The following SINHCAF variants were observed in gnomAD, a reference collection of about 807,000 sequenced individuals.
SINHCAF encodes the protein SIN3-HDAC complex associated factor.
Under a neutral mutation model 25.8 loss-of-function variants are expected in SINHCAF, and 3 were observed. The observed-to-expected ratio is 0.12, with a 90% CI of 0.05 to 0.30. SINHCAF has a LOEUF of 0.30. Ranked by LOEUF, SINHCAF falls within the 10% of genes least tolerant of loss-of-function variation. SINHCAF has a pLI of 1.00. For synonymous variants in SINHCAF, 70 were observed against 85.5 expected (o/e 0.82, Z 1.00); for missense variants, 121 against 262.3 (o/e 0.46, Z 3.72).
At chr12:31,285,394 T>C (rs989775242) in intron 5 of SINHCAF, among the ~76,000 whole-genome samples, 10 of 141,064 alleles carry the variant, frequency 7.1e-5, no homozygotes, top group African/African-American at 1.4e-4. Flanking sequence ...TCTCTCAACA[T>C]AGACATATAT....
At chr12:31,309,208 A>G (rs764472695) in intron 1 of SINHCAF, among the ~76,000 whole-genome samples, 3 of 151,898 alleles carry the variant, frequency 2.0e-5, no homozygotes, top group Non-Finnish European at 4.4e-5. Context: ...GTTAAGAAGC[A>G]CTGGATATCT....
chr12:31,324,004 C>T lies in SINHCAF; in HGVS notation c.-21+2020G>A, dbSNP rs1170895163. 2.2e-6 allele frequency: 1 copy of T among 455,642 alleles called. No homozygotes were observed. The highest frequency in any genetic ancestry group is 3.4e-4 in the Middle Eastern group (1 of 2,936). The allele number at this position is 455,642 out of a possible 1,614,324, so 28.2% of individuals were successfully genotyped here. A position where few individuals can be genotyped will look rare whatever the true frequency, so the allele number is the denominator to read the frequency against. ...GTGACTGCCGAGAGAGACGCCGAGC[C>T]AGCAAGTAAGAATGCTCCCTGGTGG... is the stretch of plus-strand genomic sequence containing the variant. On this transcript the variant is annotated intron_variant, in intron 1 of 5. Coordinates refer to ENST00000337682, the MANE Select transcript of SINHCAF (RefSeq NM_001135812.2). This position sits in a 1 kb window ranked among gnomAD's most constrained non-coding sequence, Gnocchi z 5.5.
chr12:31,308,603 C>G (rs1939130184), intron 1 of SINHCAF, among the ~76,000 whole-genome samples: 1 of 152,058 alleles, frequency 6.6e-6, no homozygotes, highest in Non-Finnish European at 1.5e-5. Context: ...TGTGTCAGAG[C>G]AAAGGAGGAG....
At chr12:31,285,939 C>G (rs1471038785) in intron 5 of SINHCAF, among the ~76,000 whole-genome samples, 1 of 149,430 alleles carries the variant, frequency 6.7e-6, no homozygotes, top group East Asian at 2.0e-4. Flanking sequence ...AACACCACTG[C>G]ACTCCAGTCT....
At chr12:31,288,474 G>A (rs1367410976) in intron 4 of SINHCAF, among the ~76,000 whole-genome samples, 2 of 152,090 alleles carry the variant, frequency 1.3e-5, no homozygotes, top group Admixed American at 6.5e-5. Context: ...AGCGAAGTCA[G>A]GATTTTCATT....
chr12:31,325,094 GCGGCGTACACAACGCCGC>G lies in SINHCAF; in HGVS notation c.-21+912_-21+929del. On this transcript the variant is annotated intron_variant, in intron 1 of 5. Transcript: ENST00000337682. The surrounding 1 kb of genome is among the most constrained non-coding windows in gnomAD (Gnocchi z 5.9). ...TGCCCTGCGGAGTTCACTGACTCCC[GCGGCGTACACAACGCCGC>G]CGCCTCCATCTCCAGCCAAGTTGGC... is the stretch of plus-strand genomic sequence containing the variant. 1 of 456,726 alleles carries G rather than the reference GCGGCGTACACAACGCCGC, an allele frequency of 2.2e-6. No individual in the cohort carries two copies. The allele number at this position is 456,726 out of a possible 1,614,324, so 28.3% of individuals were successfully genotyped here.
Position 31,298,116 on chromosome 12 carries a change from T to C in SINHCAF, c.89A>G (p.Asp30Gly). 1 of 1,614,120 alleles carries C rather than the reference T, an allele frequency of 6.2e-7. No homozygotes were observed. The highest frequency in any genetic ancestry group is 8.5e-7 in the Non-Finnish European group (1 of 1,179,994). ...RAKSSSSRFT[D>G]SKRYEKDFQS... The stretch of plus-strand genomic sequence containing the variant: ...GAAGTCCTTTTCATAGCGTTTACTG[T>C]CAGTGAATCGAGAACTGGAGGACTT... Residue 30 changes from aspartate (D) to glycine (G), a missense_variant, in exon 2 of 6, where the codon GAC (aspartate) becomes GGC (glycine). Coordinates refer to ENST00000337682, the MANE Select transcript of SINHCAF (RefSeq NM_001135812.2).
chr12:31,284,663 A>C (rs1054339284), intron 5 of SINHCAF, among the ~76,000 whole-genome samples: 7 of 152,196 alleles, frequency 4.6e-5, no homozygotes, highest in Non-Finnish European at 7.3e-5. Flanking sequence ...CCACATGAAT[A>C]ACCATGTTGT....
chr12:31,318,949 A>G (rs1372392474), intron 1 of SINHCAF, among the ~76,000 whole-genome samples: 1 of 152,236 alleles, frequency 6.6e-6, no homozygotes, highest in Non-Finnish European at 1.5e-5. Context: ...ACAGAAAAAT[A>G]AATGCTATCT....
intron 4 of SINHCAF, among the ~76,000 whole-genome samples, chr12:31,291,375 AG>A (rs1393346180): frequency 1.3e-5 from 2 of 152,234 alleles, no homozygotes; most frequent in African/African-American, 2.4e-5. Flanking sequence ...GTGACTCCAG[AG>A]TTACACATTT....
At chr12:31,303,449 A>G (rs1387885058) in intron 1 of SINHCAF, 1 of 153,492 alleles carries the variant, frequency 6.5e-6, no homozygotes, top group Non-Finnish European at 1.4e-5. Flanking sequence ...TTCTATCTAC[A>G]TTGTGCTACC....
intron 1 of SINHCAF, chr12:31,303,212 C>G: frequency 1.0e-6 from 1 of 985,360 alleles, no homozygotes; most frequent in East Asian, 1.1e-4. Flanking sequence ...CTGTGTCAAC[C>G]CATTTTTCCT....
intron 5 of SINHCAF, among the ~76,000 whole-genome samples, chr12:31,283,632 C>T (rs1296724086): frequency 6.6e-6 from 1 of 151,822 alleles, no homozygotes; most frequent in African/African-American, 2.4e-5. Flanking sequence ...TGTGTGTTAG[C>T]AAAGGCATCA....
chr12:31,296,412 C>T (rs768704847), intron 2 of SINHCAF, among the ~76,000 whole-genome samples: 4 of 152,028 alleles, frequency 2.6e-5, no homozygotes, highest in Non-Finnish European at 4.4e-5. Context: ...CTGATCTGTC[C>T]GCCTTGGCCT....
intron 4 of SINHCAF, 96 bp downstream of exon 4, chr12:31,293,709 A>C (rs1938431510): frequency 9.2e-7 from 1 of 1,083,994 alleles, no homozygotes; most frequent in Non-Finnish European, 1.3e-6. Flanking sequence ...TATAAAAAGC[A>C]ATAAAGGAAA....
In SINHCAF at chr12:31,282,380, C is replaced by A. The variant is rs959922668; in HGVS notation, c.*332G>T. ...AACTACTCTAGAAATTGTCTTTTGG[C>A]AGAATAGCAGGTATCCAAGTTAAAA... is the stretch of plus-strand genomic sequence containing the variant. On this transcript the variant is annotated 3_prime_UTR_variant, in exon 6 of 6. Transcript: ENST00000337682. 2 of 175,614 alleles carry A rather than the reference C, an allele frequency of 1.1e-5. No homozygotes were observed. Among genetic ancestry groups the A allele is most frequent in the African/African-American group, 4.7e-5 (2 of 42,262 alleles). 10.9% of individuals were successfully genotyped at this position (175,614 alleles called of 1,614,324 possible).
chr12:31,298,174 G>A lies in SINHCAF; in HGVS notation c.31C>T (p.Arg11Ter). 6.2e-7 allele frequency: 1 copy of A among 1,614,060 alleles called. No individual in the cohort carries two copies. Among genetic ancestry groups the A allele is most frequent in the Non-Finnish European group, 8.5e-7 (1 of 1,180,006 alleles). The stretch of plus-strand genomic sequence containing the variant: ...CAAATACAGCAGCCCTCTATACTTC[G>A]GTACATCTTTGGCTTGTGAAAACCA... MFGFHKPKMYRSIEGCCICRA... is the reference protein window; with the variant it reads MFGFHKPKMY Residue 11 changes from arginine (R) to a stop codon, truncating the protein, a stop_gained, in exon 2 of 6, where the codon CGA (arginine) becomes TGA (stop). Transcript: ENST00000337682. LOFTEE classifies it high-confidence loss of function.
chr12:31,291,930 T>C (rs1401669383), intron 4 of SINHCAF, among the ~76,000 whole-genome samples: 1 of 152,232 alleles, frequency 6.6e-6, no homozygotes, highest in Non-Finnish European at 1.5e-5. Context: ...GTGCCAGCAA[T>C]TTATACTGTA....
At chr12:31,309,812 T>C (rs931619535) in intron 1 of SINHCAF, among the ~76,000 whole-genome samples, 8 of 151,894 alleles carry the variant, frequency 5.3e-5, no homozygotes, top group African/African-American at 1.9e-4. Context: ...ATCACAGGAA[T>C]GCACCACCAC....
Sources: gnomAD v4.1 joint callset for allele counts (sites outside exome capture counted in the v4.1 genomes callset) on GRCh38, gnomAD v4.1.1 for gene constraint, Gnocchi (gnomAD v3.1) non-coding constraint, MANE v1.5 for transcripts, NCBI Gene and HGNC (gene_info 2026-07-23, HGNC 2026-07-21) for gene names.